Variants in PNPLA8 observed in about 807,000 individuals in gnomAD.
PNPLA8 encodes patatin like domain 8, phospholipase A2, also known as calcium-independent phospholipase A2-gamma.
Under a neutral mutation model 76.9 loss-of-function variants are expected in PNPLA8, and 39 were observed. That is an observed-to-expected ratio of 0.51 (90% CI 0.39 to 0.66). The LOEUF is 0.66. Among genes scored for constraint, PNPLA8 ranks in the 30% least tolerant of loss-of-function variants. PNPLA8 has a pLI of 0.00. For missense variants in PNPLA8, 887 were observed against 918.0 expected (o/e 0.97, Z 0.44); for synonymous variants, 301 against 307.9 (o/e 0.98, Z 0.24).
At chr7:108,505,331 TA>T (rs1563967746) in intron 4 of PNPLA8, among the ~76,000 whole-genome samples, 12 of 9,640 alleles carry the variant, frequency 1.2e-3, no homozygotes, top group African/African-American at 3.3e-3. Context: ...TATATATATA[TA>T]TATATATATA....
intron 7 of PNPLA8, among the ~76,000 whole-genome samples, chr7:108,492,615 T>C (rs1175887579): frequency 2.0e-5 from 3 of 151,494 alleles, no homozygotes; most frequent in Admixed American, 1.3e-4. Flanking sequence ...TGTCAAAATA[T>C]GAAAAAAAAA....
chr7:108,484,757 T>A (rs945948192), intron 9 of PNPLA8, among the ~76,000 whole-genome samples: 2 of 152,202 alleles, frequency 1.3e-5, no homozygotes, highest in African/African-American at 4.8e-5. Flanking sequence ...CCTCATTCTA[T>A]AACTGGGTTT....
Position 108,502,511 on chromosome 7 carries a change from T to A in PNPLA8, c.1338A>T (p.Ser446=), listed in dbSNP as rs768193943. Residue 446 remains serine, a synonymous_variant, in exon 5 of 11, where the codon TCA becomes TCT. Transcript: ENST00000257694. The part of the protein sequence containing the change: ...PVKGRGIRIL[S]IDGGGTRGVV... ...CTTACCTTGTTCCTCCACCATCAAT[T>A]GAGAGAATTCGGATTCCTCTCCCTT... 6.2e-7 allele frequency: 1 copy of A among 1,608,002 alleles called. No homozygotes were observed. Among genetic ancestry groups the A allele is most frequent in the Non-Finnish European group, 8.5e-7 (1 of 1,176,150 alleles).
intron 4 of PNPLA8, among the ~76,000 whole-genome samples, chr7:108,503,531 T>C (rs1030863067): frequency 2.0e-5 from 3 of 152,154 alleles, no homozygotes; most frequent in Non-Finnish European, 4.4e-5. Flanking sequence ...ATAATGCAAA[T>C]TTCCATTTCC....
At chr7:108,480,288 A>C (rs1025003111) in intron 9 of PNPLA8, among the ~76,000 whole-genome samples, 1 of 152,180 alleles carries the variant, frequency 6.6e-6, no homozygotes, top group Non-Finnish European at 1.5e-5. Context: ...GAATTGCTTG[A>C]GCCCGGGAGG....
At chr7:108,497,015 G>A (rs1384370923) in intron 6 of PNPLA8, among the ~76,000 whole-genome samples, 2 of 151,944 alleles carry the variant, frequency 1.3e-5, no homozygotes, top group Non-Finnish European at 2.9e-5. Flanking sequence ...TTAAATAAAT[G>A]CTACCCCCAA....
Position 108,487,964 on chromosome 7 carries a change from A to G in PNPLA8, c.1684-11T>C. On this transcript the variant is annotated splice_polypyrimidine_tract_variant and intron_variant, in intron 8 of 10. Coordinates refer to ENST00000257694, the MANE Select transcript of PNPLA8 (RefSeq NM_001256007.3). ...ACTTACAGCAGCTACCTAGTGAATGAAAAAGTGAACAATTCCATCATTAAC... is the reference window on the plus strand; with the variant it reads ...ACTTACAGCAGCTACCTAGTGAATGGAAAAGTGAACAATTCCATCATTAAC... 6.5e-7 allele frequency: 1 copy of G among 1,538,512 alleles called. No individual in the cohort carries two copies.
At chr7:108,501,821 C>G (rs774795268) in intron 5 of PNPLA8, among the ~76,000 whole-genome samples, 2 of 151,676 alleles carry the variant, frequency 1.3e-5, no homozygotes, top group African/African-American at 2.4e-5. Context: ...AAGACTCTGT[C>G]TCCAAAAAAA....
chr7:108,502,817 T>C, intron 4 of PNPLA8, 175 bp from the exon 5 acceptor site: 1 of 421,368 alleles, frequency 2.4e-6, no homozygotes, highest in Non-Finnish European at 4.1e-6. Flanking sequence ...GTCAATTTTC[T>C]AGATTACATT....
rs370219088 is a variant in PNPLA8 at position 108,514,760 on chromosome 7, C to T, written c.732G>A (p.Gly244=). 99 of 1,613,172 alleles carry T rather than the reference C, an allele frequency of 6.1e-5. No individual in the cohort carries two copies. The highest frequency in any genetic ancestry group is 8.3e-5 in the Non-Finnish European group (98 of 1,179,336). ...SELEDKKVEE[G]KLRSPDPGIL... is the part of the protein sequence containing the mutation. ...TGCCAGGATCTGGAGATCTTAATTTCCCCTCTTCTACCTTTTTATCTTCAA... is the reference window on the plus strand; with the variant it reads ...TGCCAGGATCTGGAGATCTTAATTTTCCCTCTTCTACCTTTTTATCTTCAA... The change falls in exon 3 of 11, where the codon GGG becomes GGA. Residue 244 remains glycine (G), a synonymous_variant. Coordinates refer to ENST00000257694, the MANE Select transcript of PNPLA8 (RefSeq NM_001256007.3).
At chr7:108,485,352 GTAA>G (rs1429965580) in intron 9 of PNPLA8, among the ~76,000 whole-genome samples, 1 of 152,098 alleles carries the variant, frequency 6.6e-6, no homozygotes, top group Non-Finnish European at 1.5e-5. Context: ...TATAAATGTT[GTAA>G]TAATCTTCTT....
chr7:108,480,901 C>T (rs1208104765), intron 9 of PNPLA8, among the ~76,000 whole-genome samples: 2 of 152,174 alleles, frequency 1.3e-5, no homozygotes, highest in Non-Finnish European at 2.9e-5. Flanking sequence ...ACCCCTCCTC[C>T]CACCCATAAC....
At chr7:108,517,260 T>C (rs1389670781) in intron 2 of PNPLA8, among the ~76,000 whole-genome samples, 2 of 152,184 alleles carry the variant, frequency 1.3e-5, no homozygotes, top group Admixed American at 6.5e-5. Flanking sequence ...GAACACTAAA[T>C]GCTGGTGAGG....
chr7:108,505,931 T>C (rs112282548), intron 4 of PNPLA8, among the ~76,000 whole-genome samples: 324 of 151,970 alleles, frequency 2.1e-3, no homozygotes, highest in African/African-American at 7.0e-3. Context: ...AATGGAAAAA[T>C]AGGCAAGATC....
At chr7:108,499,318 T>C (rs948528100) in intron 5 of PNPLA8, among the ~76,000 whole-genome samples, 1 of 152,204 alleles carries the variant, frequency 6.6e-6, no homozygotes, top group Non-Finnish European at 1.5e-5. Context: ...TATTTAAAAA[T>C]GTTGTACTCA....
At chr7:108,507,444 A>T (rs1442810369) in intron 4 of PNPLA8, among the ~76,000 whole-genome samples, 1 of 151,592 alleles carries the variant, frequency 6.6e-6, no homozygotes, top group Non-Finnish European at 1.5e-5. Context: ...GCTTGAGCCC[A>T]AGAATTCGGG....
intron 10 of PNPLA8, among the ~76,000 whole-genome samples, chr7:108,476,500 A>G (rs913297865): frequency 6.6e-6 from 1 of 152,248 alleles, no homozygotes; most frequent in African/African-American, 2.4e-5. Flanking sequence ...GGTGTTGGCA[A>G]GGAACTGGGG....
chr7:108,488,957 T>TGTGA, intron 8 of PNPLA8, among the ~76,000 whole-genome samples: 1 of 152,348 alleles, frequency 6.6e-6, no homozygotes, highest in East Asian at 1.9e-4. Context: ...GCCAAATTCC[T>TGTGA]GTGAGTAATC....
chr7:108,475,566 T>C (rs1859929524), intron 10 of PNPLA8, among the ~76,000 whole-genome samples: 3 of 152,178 alleles, frequency 2.0e-5, no homozygotes, highest in Admixed American at 1.3e-4. Context: ...AGTACATGTA[T>C]TGATTTATTT....
Sources: allele counts gnomAD v4.1 joint callset (sites outside exome capture counted in the v4.1 genomes callset), GRCh38; gene constraint gnomAD v4.1.1; transcripts MANE v1.5; gene names NCBI Gene and HGNC (gene_info 2026-07-23, HGNC 2026-07-21).